DLG2: variants seen among roughly 807,000 people sequenced by gnomAD.
DLG2 encodes disks large homolog 2.
Under a neutral mutation model 132.5 loss-of-function variants are expected in DLG2, and 45 were observed. The observed-to-expected ratio is 0.34, with a 90% CI of 0.27 to 0.44. DLG2 has a LOEUF of 0.44. Ranked by LOEUF, DLG2 falls within the 20% of genes least tolerant of loss-of-function variation. DLG2 has a pLI of 1.00. For synonymous variants in DLG2, 424 were observed against 419.6 expected (o/e 1.01, Z -0.13); for missense variants, 1,045 against 1,196.9 (o/e 0.87, Z 1.87).
intron 6 of DLG2, among the ~76,000 whole-genome samples, chr11:84,803,954 A>G (rs901647586): frequency 1.3e-5 from 2 of 152,198 alleles, no homozygotes; most frequent in African/African-American, 4.8e-5. Flanking sequence ...ACAGGTACAG[A>G]AAAGCATGCA....
chr11:84,513,425 G>T (rs1378774878), intron 7 of DLG2, among the ~76,000 whole-genome samples: 1 of 151,898 alleles, frequency 6.6e-6, no homozygotes, highest in African/African-American at 2.4e-5. Context: ...CACATTACCC[G>T]ACTTCAAATT....
Position 84,459,984 on chromosome 11 carries a change from G to A in DLG2, c.519+74586C>T, listed in dbSNP as rs79447797. Among the ~76,000 whole-genome samples, 583 of 150,810 alleles carry A rather than the reference G, an allele frequency of 3.9e-3. 4 individuals carry two copies. The highest frequency in any genetic ancestry group is 0.014 in the African/African-American group (563 of 41,370). Reference sequence around the variant, plus strand: ...CTTTTAGTCTTTCAACAATAAGTATGACAGAGATTGTTAGCTTGGAGTAGC... The same window carrying A: ...CTTTTAGTCTTTCAACAATAAGTATAACAGAGATTGTTAGCTTGGAGTAGC... On this transcript the variant is annotated intron_variant, in intron 7 of 27. Transcript: ENST00000376104.
intron 6 of DLG2, among the ~76,000 whole-genome samples, chr11:84,638,213 A>G (rs77731995): frequency 0.03 from 4,526 of 152,348 alleles, 262 homozygotes; most frequent in African/African-American, 0.1. Flanking sequence ...AAGAACATCA[A>G]TTGTAATCCT....
At chr11:85,110,660 GA>G (rs2072575375) in intron 6 of DLG2, among the ~76,000 whole-genome samples, 1 of 151,886 alleles carries the variant, frequency 6.6e-6, no homozygotes, top group Non-Finnish European at 1.5e-5. Flanking sequence ...AAAAACTGAG[GA>G]AAAAAGCTTA....
chr11:83,836,922 GGAGGGAGACACA>G (rs567349870), intron 16 of DLG2, among the ~76,000 whole-genome samples: 258 of 152,198 alleles, frequency 1.7e-3, no homozygotes, highest in African/African-American at 5.9e-3. Flanking sequence ...AGAACAGCAG[GGAGGGAGACACA>G]GAGCATTCAC....
intron 4 of DLG2, among the ~76,000 whole-genome samples, chr11:85,181,397 A>G (rs2079692768): frequency 6.6e-6 from 1 of 151,754 alleles, no homozygotes; most frequent in African/African-American, 2.4e-5. Context: ...GATATTTTTA[A>G]GTTACTATGA....
rs550221021 is a variant in DLG2, at chr11:84,792,800, G to A, written c.358-258069C>T. The stretch of plus-strand genomic sequence containing the variant: ...TTCATCTCTGATTTTATTTATTTGG[G>A]TCTTCTCTCTTTTGCTCTTAGTCTG... On this transcript the variant is annotated intron_variant, in intron 6 of 27. Transcript: ENST00000376104. Among the ~76,000 whole-genome samples the A allele has an allele frequency of 5.9e-5, 9 of 151,916 alleles. No homozygotes were observed. In the South Asian group the frequency reaches 1.9e-3, roughly 32 times the overall value.
intron 5 of DLG2, among the ~76,000 whole-genome samples, chr11:85,147,420 G>C (rs961850692): frequency 3.3e-5 from 5 of 152,016 alleles, no homozygotes; most frequent in Admixed American, 6.6e-5. Context: ...TTATATACCT[G>C]TTGGACATTT....
intron 17 of DLG2, among the ~76,000 whole-genome samples, chr11:83,798,476 ATATGTTTGGTAGAAGAC>A (rs2153931770): frequency 6.6e-6 from 1 of 152,364 alleles, no homozygotes; most frequent in South Asian, 2.1e-4. Context: ...AAACCAAAGA[ATATGTTTGGTAGAAGAC>A]TATCTTAGGA....
intron 6 of DLG2, among the ~76,000 whole-genome samples, chr11:84,771,364 T>C (rs1597728265): frequency 6.6e-6 from 1 of 151,986 alleles, no homozygotes; most frequent in East Asian, 1.9e-4. Flanking sequence ...ATTTCTGTAA[T>C]GATCAATGAT....
chr11:83,464,364 G>C (rs914133798), intron 26 of DLG2, among the ~76,000 whole-genome samples: 12 of 152,238 alleles, frequency 7.9e-5, no homozygotes, highest in African/African-American at 2.9e-4. Context: ...TGTGACAGCT[G>C]TCATGCTTTT....
rs371004823 is a variant in DLG2, at chr11:84,981,691, A to T, written c.357+129970T>A. Among the ~76,000 whole-genome samples the T allele has an allele frequency of 1.7e-4, 26 of 152,310 alleles. No individual in the cohort carries two copies. In the South Asian group the frequency reaches 2.3e-3, roughly 13 times the overall value. The stretch of plus-strand genomic sequence containing the variant: ...CATGTATAAGCCTTTCTACCTAAAA[A>T]AAATAAATAAATAAAAGATGCTCTC... On this transcript the variant is annotated intron_variant, in intron 6 of 27. Transcript: ENST00000376104.
At chr11:85,180,083 A>C (rs1280978200) in intron 4 of DLG2, among the ~76,000 whole-genome samples, 2 of 151,892 alleles carry the variant, frequency 1.3e-5, no homozygotes, top group Non-Finnish European at 2.9e-5. Context: ...TGTATTATTA[A>C]ATATTATACT....
Position 84,862,823 on chromosome 11 carries a change from G to C in DLG2, c.357+248838C>G, listed in dbSNP as rs1261092661. The stretch of plus-strand genomic sequence containing the variant: ...ATCACACACCAGGTCCTGTCGGGGG[G>C]GGGGGGTGGGGGACTAGGGGAGGAA... On this transcript the variant is annotated intron_variant, in intron 6 of 27. Transcript: ENST00000376104. Among the ~76,000 whole-genome samples the C allele has an allele frequency of 1.6e-4, 22 of 134,592 alleles. 1 individual carries two copies. Among genetic ancestry groups the C allele is most frequent in the South Asian group, 3.0e-4 (1 of 3,298 alleles). 88.3% of individuals were successfully genotyped at this position (134,592 alleles called of 152,430 possible).
chr11:84,650,881 A>G (rs915163550), intron 6 of DLG2, among the ~76,000 whole-genome samples: 9 of 125,722 alleles, frequency 7.2e-5, no homozygotes, highest in African/African-American at 3.0e-4. Context: ...GTGTATATAT[A>G]TATATATATA....
intron 2 of DLG2, among the ~76,000 whole-genome samples, chr11:85,621,632 T>C (rs140700709): frequency 6.6e-6 from 1 of 152,196 alleles, no homozygotes; most frequent in Admixed American, 6.5e-5. Flanking sequence ...TAACTTCAGA[T>C]GGAATGGAAA....
At chr11:84,039,489 G>A (rs1194813258) in intron 11 of DLG2, among the ~76,000 whole-genome samples, 2 of 105,890 alleles carry the variant, frequency 1.9e-5, no homozygotes, top group East Asian at 2.9e-4. Flanking sequence ...TTGTTCTTGC[G>A]ATAGTTTACT....
chr11:83,602,419 T>C (rs1232887405), intron 19 of DLG2, among the ~76,000 whole-genome samples: 1 of 152,258 alleles, frequency 6.6e-6, no homozygotes, highest in Non-Finnish European at 1.5e-5. Flanking sequence ...GAACTTCTTA[T>C]TCTTGTGGAG....
chr11:84,295,164 A>G (rs900515684), intron 7 of DLG2, among the ~76,000 whole-genome samples: 4 of 152,192 alleles, frequency 2.6e-5, no homozygotes, highest in African/African-American at 9.7e-5. Context: ...TCTGATTACA[A>G]ATCAGTTCCT....
Sources: allele counts gnomAD v4.1 joint callset (sites outside exome capture counted in the v4.1 genomes callset), GRCh38; gene constraint gnomAD v4.1.1; transcripts MANE v1.5; gene names NCBI Gene and HGNC (gene_info 2026-07-23, HGNC 2026-07-21).